The following NTM variants were observed in gnomAD, a reference collection of about 807,000 sequenced individuals.
The protein encoded by NTM is neurotrimin, also known as IgLON family member 2.
A neutral mutation model predicts 42.1 loss-of-function variants in NTM; 13 were observed. The ratio of observed to expected loss-of-function variants is 0.31; its 90% CI spans 0.20 to 0.49. The LOEUF (loss-of-function observed/expected upper bound fraction) is 0.49. Among genes scored for constraint, NTM ranks in the 20% least tolerant of loss-of-function variants. NTM has a pLI of 0.99. For missense variants in NTM, 373 were observed against 452.8 expected (o/e 0.82, Z 1.60); for synonymous variants, 187 against 179.2 (o/e 1.04, Z -0.35).
At chr11:132,079,774 C>A (rs1228631954) in intron 2 of NTM, among the ~76,000 whole-genome samples, 2 of 152,098 alleles carry the variant, frequency 1.3e-5, no homozygotes, top group African/African-American at 4.8e-5. Context: ...GGACCTTGCT[C>A]TCTTTTGTTT....
chr11:132,002,493 G>A lies in NTM; in HGVS notation c.167+90845G>A, dbSNP rs1452583858. Among the ~76,000 whole-genome samples, 2 of 152,138 alleles carry A rather than the reference G, an allele frequency of 1.3e-5. No individual in the cohort carries two copies. The highest frequency in any genetic ancestry group is 2.4e-5 in the African/African-American group (1 of 41,416). ...AACCCTACGTCTCAATTCATCATAA[G>A]CAAATACAATTACTACTCTGCAAAT... On this transcript the variant is annotated intron_variant, in intron 2 of 8. Coordinates refer to ENST00000683400, the MANE Select transcript of NTM (RefSeq NM_001352005.2). The surrounding 1 kb of genome is among the most constrained non-coding windows in gnomAD (Gnocchi z 4.5).
intron 1 of NTM, among the ~76,000 whole-genome samples, chr11:131,558,332 T>C (rs1437479598): frequency 1.3e-5 from 2 of 152,162 alleles, no homozygotes; most frequent in Non-Finnish European, 2.9e-5. Context: ...TACAGAGACC[T>C]GGGAATATCC....
chr11:132,297,755 C>T (rs1414804131), intron 4 of NTM, among the ~76,000 whole-genome samples: 1 of 152,132 alleles, frequency 6.6e-6, no homozygotes, highest in Non-Finnish European at 1.5e-5. Context: ...TCTGCACCAT[C>T]ACTAGGGGAT....
At chr11:131,917,037 A>G (rs1249499005) in intron 2 of NTM, among the ~76,000 whole-genome samples, 1 of 152,166 alleles carries the variant, frequency 6.6e-6, no homozygotes, top group Admixed American at 6.5e-5. Flanking sequence ...ACTCTGGCAT[A>G]TCATCCTGGA....
intron 2 of NTM, among the ~76,000 whole-genome samples, chr11:132,123,213 A>C (rs779800689): frequency 6.6e-6 from 1 of 152,194 alleles, no homozygotes; most frequent in Non-Finnish European, 1.5e-5. Context: ...AGCTGTCATC[A>C]AATTTTACAG....
intron 4 of NTM, among the ~76,000 whole-genome samples, chr11:132,230,650 G>A (rs73597217): frequency 0.02 from 3,000 of 152,344 alleles, 84 homozygotes; most frequent in African/African-American, 0.067. Flanking sequence ...AGTTAAGACC[G>A]TGATAGGATG....
intron 1 of NTM, among the ~76,000 whole-genome samples, chr11:131,706,034 T>C (rs2076558810): frequency 6.6e-6 from 1 of 152,066 alleles, no homozygotes; most frequent in African/African-American, 2.4e-5. Flanking sequence ...TCAAAAGCCA[T>C]ATAATGACTG....
intron 2 of NTM, among the ~76,000 whole-genome samples, chr11:131,961,405 C>T (rs1356340327): frequency 6.6e-6 from 1 of 152,150 alleles, no homozygotes; most frequent in African/African-American, 2.4e-5. Context: ...CTTGGTGATA[C>T]CAGATGCCTG....
intron 1 of NTM, among the ~76,000 whole-genome samples, chr11:131,712,601 T>A (rs1171666266): frequency 6.6e-6 from 1 of 152,018 alleles, no homozygotes; most frequent in Non-Finnish European, 1.5e-5. Flanking sequence ...ATTTTACTCA[T>A]AGAGACAAGT....
At chr11:132,012,005 T>C (rs2072312855) in intron 2 of NTM, among the ~76,000 whole-genome samples, 1 of 152,216 alleles carries the variant, frequency 6.6e-6, no homozygotes, top group Non-Finnish European at 1.5e-5. Context: ...TTCATCCATA[T>C]AATATAGTCA....
chr11:131,807,591 G>A (rs2092562848), intron 1 of NTM, among the ~76,000 whole-genome samples: 1 of 152,096 alleles, frequency 6.6e-6, no homozygotes, highest in African/African-American at 2.4e-5. Context: ...CAGTATTGGA[G>A]GTGTAAAGTG....
intron 4 of NTM, among the ~76,000 whole-genome samples, chr11:132,225,185 G>C (rs951507212): frequency 1.3e-5 from 2 of 152,126 alleles, no homozygotes; most frequent in African/African-American, 4.8e-5. Flanking sequence ...GTATACTTAG[G>C]TGCTGCAGAT....
chr11:131,582,323 A>G (rs2137192301), intron 1 of NTM: 1 of 152,366 alleles, frequency 6.6e-6, no homozygotes, highest in Middle Eastern at 3.4e-3. Flanking sequence ...GTGAGGAAAA[A>G]AAGTCCAGCT....
At chr11:131,859,837 T>G (rs534717711) in intron 1 of NTM, among the ~76,000 whole-genome samples, 15 of 151,790 alleles carry the variant, frequency 9.9e-5, no homozygotes, top group Non-Finnish European at 1.9e-4. Flanking sequence ...CACTTTGTAT[T>G]TCCATTTTAG....
intron 1 of NTM, among the ~76,000 whole-genome samples, chr11:131,446,301 C>T (rs941276746): frequency 6.6e-6 from 1 of 152,162 alleles, no homozygotes; most frequent in African/African-American, 2.4e-5. Flanking sequence ...CCCGGCTCAG[C>T]CTCAGGGTGT....
chr11:131,789,622 G>A (rs1330417180), intron 1 of NTM, among the ~76,000 whole-genome samples: 58 of 85,550 alleles, frequency 6.8e-4, no homozygotes, highest in Middle Eastern at 5.3e-3. Flanking sequence ...AGAAGAAGAA[G>A]AAGAAGAAGA....
chr11:131,607,120 CT>C (rs1374874089), intron 1 of NTM, among the ~76,000 whole-genome samples: 1 of 152,218 alleles, frequency 6.6e-6, no homozygotes, highest in African/African-American at 2.4e-5. Flanking sequence ...GCTAAAATGG[CT>C]TTGTGTATCT....
chr11:131,834,942 G>A (rs559905035), intron 1 of NTM, among the ~76,000 whole-genome samples: 1 of 151,352 alleles, frequency 6.6e-6, no homozygotes, highest in African/African-American at 2.4e-5. Context: ...TCCTCAGAGA[G>A]AGGTCACCAC....
Position 132,002,423 on chromosome 11 carries a change from GA to G in NTM, c.167+90777del, listed in dbSNP as rs2069510764. On this transcript the variant is annotated intron_variant, in intron 2 of 8. Coordinates refer to ENST00000683400, the MANE Select transcript of NTM (RefSeq NM_001352005.2). The surrounding 1 kb of genome is among the most constrained non-coding windows in gnomAD (Gnocchi z 4.5). ...GGTAACAGAAGGGGAAATTTTGGTT[GA>G]ATAGGATAAGAATGAGAATTTTGAG... Among the ~76,000 whole-genome samples, 1 of 152,174 alleles carries G rather than the reference GA, an allele frequency of 6.6e-6. No individual in the cohort carries two copies. The highest frequency in any genetic ancestry group is 1.5e-5 in the Non-Finnish European group (1 of 68,028).
Sources: gnomAD v4.1 joint callset for allele counts (sites outside exome capture counted in the v4.1 genomes callset) on GRCh38, gnomAD v4.1.1 for gene constraint, Gnocchi (gnomAD v3.1) non-coding constraint, MANE v1.5 for transcripts, NCBI Gene and HGNC (gene_info 2026-07-23, HGNC 2026-07-21) for gene names.